ESRRG: variants seen among roughly 807,000 people sequenced by gnomAD.
ESRRG encodes the protein estrogen related receptor gamma.
In ESRRG, 13 loss-of-function variants were observed where a neutral mutation model predicts 44.0. The observed-to-expected ratio is 0.30, with a 90% CI of 0.19 to 0.47. The LOEUF is 0.47. Among genes scored for constraint, ESRRG ranks in the 20% least tolerant of loss-of-function variants. The pLI, the probability that ESRRG is intolerant of heterozygous loss-of-function variation, is 1.00. For missense variants in ESRRG, 395 were observed against 580.6 expected (o/e 0.68, Z 3.29); for synonymous variants, 215 against 214.6 (o/e 1.00, Z -0.02).
At chr1:216,824,074 CTT>C (rs1242245486) in intron 2 of ESRRG, among the ~76,000 whole-genome samples, 1 of 152,122 alleles carries the variant, frequency 6.6e-6, no homozygotes, top group Non-Finnish European at 1.5e-5. Flanking sequence ...TGTAAAATGA[CTT>C]TCTTTCCCCT....
chr1:216,669,534 C>A (rs924187394), intron 2 of ESRRG, among the ~76,000 whole-genome samples: 1 of 152,212 alleles, frequency 6.6e-6, no homozygotes, highest in Non-Finnish European at 1.5e-5. Flanking sequence ...AAAACTCAGA[C>A]ACAACTGGCA....
chr1:216,861,678 T>C (rs1046961957), intron 2 of ESRRG, among the ~76,000 whole-genome samples: 2 of 152,114 alleles, frequency 1.3e-5, no homozygotes, highest in East Asian at 1.9e-4. Context: ...GCATAACCCA[T>C]TAAATATCAA....
At chr1:217,089,452 C>T (rs2092289777) in intron 1 of ESRRG, 1 of 151,884 alleles carries the variant, frequency 6.6e-6, no homozygotes, top group Non-Finnish European at 1.5e-5. Context: ...TAAAGAATGC[C>T]CCAGATGCAA....
At chr1:216,880,353 T>C (rs1261980361) in intron 2 of ESRRG, among the ~76,000 whole-genome samples, 1 of 100,726 alleles carries the variant, frequency 9.9e-6, no homozygotes, top group African/African-American at 3.8e-5. Context: ...GCACCTTAAA[T>C]ACTTTCAGAA....
At position 217,131,322 on chromosome 1, in the gene ESRRG, A is replaced by G. The variant is rs2092962271; in HGVS notation, c.-230+6345T>C. Among the ~76,000 whole-genome samples the G allele has an allele frequency of 2.0e-5, 3 of 150,384 alleles. No individual in the cohort carries two copies. The South Asian group carries it at 6.3e-4, about 32-fold the overall frequency. ...ATTTATTAATGACCAGGTTTATTCC[A>G]AATAGCAAAGAAAAAAAAAAACAGT... is the stretch of plus-strand genomic sequence containing the variant. On this transcript the variant is annotated intron_variant, in intron 1 of 8. Transcript: ENST00000366940.
chr1:216,565,984 G>GTT (rs5780895), intron 4 of ESRRG, among the ~76,000 whole-genome samples: 22,492 of 149,436 alleles, frequency 0.15, 1,940 homozygotes, highest in Middle Eastern at 0.2. Flanking sequence ...GATTCTAGTT[G>GTT]TTTTTTTTTT....
At chr1:216,601,371 C>G (rs923833452) in intron 3 of ESRRG, among the ~76,000 whole-genome samples, 1 of 152,138 alleles carries the variant, frequency 6.6e-6, no homozygotes, top group Non-Finnish European at 1.5e-5. Flanking sequence ...AAACAGAAAC[C>G]AAAGCCCGCT....
chr1:216,937,178 C>T (rs935483384), intron 2 of ESRRG, among the ~76,000 whole-genome samples: 1 of 151,502 alleles, frequency 6.6e-6, no homozygotes, highest in Non-Finnish European at 1.5e-5. Flanking sequence ...TGCTAATTCT[C>T]AGTCATAAAT....
intron 3 of ESRRG, among the ~76,000 whole-genome samples, chr1:216,619,352 C>T (rs1171146708): frequency 2.0e-5 from 3 of 152,186 alleles, no homozygotes; most frequent in Non-Finnish European, 4.4e-5. Flanking sequence ...GAAAAGACAT[C>T]ATTGGAAATA....
At chr1:216,972,092 A>G (rs780990490) in intron 1 of ESRRG, among the ~76,000 whole-genome samples, 3 of 152,130 alleles carry the variant, frequency 2.0e-5, no homozygotes, top group Non-Finnish European at 4.4e-5. Flanking sequence ...CCATTAATAG[A>G]TAGTTCAACT....
At chr1:216,692,486 C>A (rs1034765945) in intron 1 of ESRRG, among the ~76,000 whole-genome samples, 1 of 152,044 alleles carries the variant, frequency 6.6e-6, no homozygotes, top group African/African-American at 2.4e-5. Flanking sequence ...TAAAAAGAGT[C>A]AAAAAGTTGT....
chr1:216,781,560 C>T (rs1273100371), intron 2 of ESRRG, among the ~76,000 whole-genome samples: 1 of 151,910 alleles, frequency 6.6e-6, no homozygotes, highest in Admixed American at 6.6e-5. Context: ...CCAAACATAC[C>T]GTCACAGTTC....
At chr1:216,890,701 A>G (rs1283852340) in intron 2 of ESRRG, among the ~76,000 whole-genome samples, 2 of 152,196 alleles carry the variant, frequency 1.3e-5, no homozygotes, top group Non-Finnish European at 2.9e-5. Flanking sequence ...GCCTAGATGG[A>G]CACATGGATG....
At chr1:216,707,080 C>T (rs1449860038) in intron 1 of ESRRG, among the ~76,000 whole-genome samples, 1 of 152,158 alleles carries the variant, frequency 6.6e-6, no homozygotes, top group African/African-American at 2.4e-5. Context: ...ATAAAAACTA[C>T]TTTTCAATAG....
intron 2 of ESRRG, among the ~76,000 whole-genome samples, chr1:216,921,582 G>A (rs999611251): frequency 6.6e-6 from 1 of 152,124 alleles, no homozygotes; most frequent in African/African-American, 2.4e-5. Context: ...ACACCTAGGT[G>A]GCTGCTCACT....
At chr1:216,687,757 G>A (rs2078288826) in intron 1 of ESRRG, among the ~76,000 whole-genome samples, 1 of 152,056 alleles carries the variant, frequency 6.6e-6, no homozygotes, top group South Asian at 2.1e-4. Flanking sequence ...TACATGGTGG[G>A]GTTTATTTTA....
intron 2 of ESRRG, among the ~76,000 whole-genome samples, chr1:216,835,180 G>C (rs530417824): frequency 6.6e-6 from 1 of 152,112 alleles, no homozygotes; most frequent in Non-Finnish European, 1.5e-5. Context: ...TGGTAACACC[G>C]TGTTGAAAGA....
At chr1:217,054,686 G>A (rs2086733490) in intron 1 of ESRRG, among the ~76,000 whole-genome samples, 1 of 152,068 alleles carries the variant, frequency 6.6e-6, no homozygotes, top group Admixed American at 6.6e-5. Flanking sequence ...TATGGCTACT[G>A]TGGTTATTAT....
chr1:216,886,247 T>C (rs1559986954), intron 2 of ESRRG, among the ~76,000 whole-genome samples: 1 of 152,140 alleles, frequency 6.6e-6, no homozygotes, highest in Non-Finnish European at 1.5e-5. Context: ...CACTGTCCTG[T>C]AGGGTCACCT....
Sources: allele counts gnomAD v4.1 joint callset (sites outside exome capture counted in the v4.1 genomes callset), GRCh38; gene constraint gnomAD v4.1.1; transcripts MANE v1.5; gene names NCBI Gene and HGNC (gene_info 2026-07-23, HGNC 2026-07-21).